The following PTPRT variants were observed in gnomAD, a reference collection of about 807,000 sequenced individuals.
The protein encoded by PTPRT is receptor-type tyrosine-protein phosphatase T.
PTPRT carries 56 observed loss-of-function variants against 176.8 expected under a neutral mutation model. That is an observed-to-expected ratio of 0.32 (90% CI 0.26 to 0.40). PTPRT has a LOEUF of 0.40. Among genes scored for constraint, PTPRT ranks in the 10% least tolerant of loss-of-function variants. The pLI, the probability that PTPRT is intolerant of heterozygous loss-of-function variation, is 1.00. For missense variants in PTPRT, 1,540 were observed against 1,908.2 expected (o/e 0.81, Z 3.60); for synonymous variants, 783 against 739.0 (o/e 1.06, Z -0.96).
chr20:42,317,211 AT>A (rs1370621927), intron 11 of PTPRT, among the ~76,000 whole-genome samples: 1 of 152,242 alleles, frequency 6.6e-6, no homozygotes, highest in African/African-American at 2.4e-5. Flanking sequence ...GTGATCTCAT[AT>A]TGTTCCCTTC....
chr20:43,180,253 A>G (rs1568829795), intron 1 of PTPRT, among the ~76,000 whole-genome samples: 1 of 151,556 alleles, frequency 6.6e-6, no homozygotes, highest in Non-Finnish European at 1.5e-5. Flanking sequence ...GACTTACATC[A>G]TCAACTTTCC....
intron 1 of PTPRT, among the ~76,000 whole-genome samples, chr20:42,936,134 G>A (rs978828553): frequency 5.3e-5 from 8 of 152,184 alleles, no homozygotes; most frequent in African/African-American, 1.9e-4. Context: ...GAGAAAGACC[G>A]TAAATGGGAT....
rs1568774351 is a variant in PTPRT, at chr20:43,083,366, AT to A, written c.88+106279del. ...TATATATATATATATATATATATAT[AT>A]ATACATTTTTTGAGACAGAGTCTCG... On this transcript the variant is annotated intron_variant, in intron 1 of 30. Transcript: ENST00000373187. Among the ~76,000 whole-genome samples, 206 of 115,898 alleles carry A rather than the reference AT, an allele frequency of 1.8e-3. 6 individuals carry two copies. Among genetic ancestry groups the A allele is most frequent in the East Asian group, 8.9e-3 (37 of 4,172 alleles). 76.0% of individuals were successfully genotyped at this position (115,898 alleles called of 152,430 possible). A position where few individuals can be genotyped will look rare whatever the true frequency, so the allele number is the denominator to read the frequency against.
chr20:42,288,014 T>C (rs1403839652), intron 12 of PTPRT, among the ~76,000 whole-genome samples: 1 of 152,030 alleles, frequency 6.6e-6, no homozygotes, highest in Non-Finnish European at 1.5e-5. Context: ...GTACATTTTT[T>C]TGTTACAACA....
chr20:42,533,091 C>A (rs891537108), intron 7 of PTPRT, among the ~76,000 whole-genome samples: 1 of 152,150 alleles, frequency 6.6e-6, no homozygotes, highest in Admixed American at 6.5e-5. Context: ...TGTAATCTTC[C>A]CTCCGCCAGG....
chr20:42,622,417 T>C (rs1429379342), intron 7 of PTPRT, among the ~76,000 whole-genome samples: 1 of 152,142 alleles, frequency 6.6e-6, no homozygotes, highest in Non-Finnish European at 1.5e-5. Flanking sequence ...ATTTTTTGTA[T>C]TTTTAGTAGA....
intron 11 of PTPRT, among the ~76,000 whole-genome samples, chr20:42,333,343 GT>G (rs2057993982): frequency 6.6e-6 from 1 of 152,030 alleles, no homozygotes; most frequent in Non-Finnish European, 1.5e-5. Flanking sequence ...TATAGGCTTA[GT>G]TTTTTTGAGA....
chr20:42,816,054 A>G (rs2077778742), intron 2 of PTPRT, among the ~76,000 whole-genome samples: 1 of 152,202 alleles, frequency 6.6e-6, no homozygotes, highest in Admixed American at 6.5e-5. Flanking sequence ...GCACACACAC[A>G]AAAGTCTTCT....
At chr20:43,039,963 C>T (rs1475171604) in intron 1 of PTPRT, among the ~76,000 whole-genome samples, 1 of 151,948 alleles carries the variant, frequency 6.6e-6, no homozygotes, top group Non-Finnish European at 1.5e-5. Flanking sequence ...ATTGTTTGAG[C>T]CTGGGAGGCA....
chr20:42,886,335 C>T (rs1021184208), intron 1 of PTPRT, among the ~76,000 whole-genome samples: 2 of 152,160 alleles, frequency 1.3e-5, no homozygotes, highest in Non-Finnish European at 2.9e-5. Flanking sequence ...CAAAACTAGA[C>T]AGCCATCACC....
intron 2 of PTPRT, among the ~76,000 whole-genome samples, chr20:42,876,633 G>A (rs1333695829): frequency 6.6e-6 from 1 of 152,164 alleles, no homozygotes; most frequent in African/African-American, 2.4e-5. Context: ...TGCCCCAGGT[G>A]CCACGAAAAT....
At chr20:42,906,306 C>A (rs887969691) in intron 1 of PTPRT, among the ~76,000 whole-genome samples, 2 of 152,120 alleles carry the variant, frequency 1.3e-5, no homozygotes, top group African/African-American at 4.8e-5. Flanking sequence ...AGAATTTGGC[C>A]GGGGCGGTCA....
intron 11 of PTPRT, among the ~76,000 whole-genome samples, chr20:42,340,724 G>A (rs528142247): frequency 2.1e-4 from 32 of 152,300 alleles, no homozygotes; most frequent in African/African-American, 5.3e-4. Flanking sequence ...TCTGACCTTT[G>A]GGCAGTTGCG....
At chr20:43,134,361 T>G (rs1161757501) in intron 1 of PTPRT, among the ~76,000 whole-genome samples, 1 of 152,164 alleles carries the variant, frequency 6.6e-6, no homozygotes, top group African/African-American at 2.4e-5. Flanking sequence ...CTAGGTCAGT[T>G]TAGCAAGAAC....
intron 7 of PTPRT, among the ~76,000 whole-genome samples, chr20:42,577,807 CAA>C (rs1413624016): frequency 1.3e-5 from 2 of 150,048 alleles, no homozygotes; most frequent in African/African-American, 4.9e-5. Context: ...TCTAACCAAA[CAA>C]GAGAAAAACC....
chr20:42,483,321 G>A (rs955947262), intron 7 of PTPRT, among the ~76,000 whole-genome samples: 2 of 152,006 alleles, frequency 1.3e-5, no homozygotes, highest in African/African-American at 2.4e-5. Context: ...ATGCCACCAC[G>A]CTCGACTAAT....
At position 43,036,535 on chromosome 20, in the gene PTPRT, G is replaced by A. The variant is rs1179546263; in HGVS notation, c.89-150603C>T. 4.6e-5 allele frequency among the ~76,000 whole-genome samples: 7 copies of A among 151,188 alleles called. No homozygotes were observed. The East Asian group carries it at 1.4e-3, about 29-fold the overall frequency. ...TAGGGTGGAGGCAGAAGAGAAGAAA[G>A]AAAGAGAAAATTTAATTTTGTGTTT... On this transcript the variant is annotated intron_variant, in intron 1 of 30. Transcript: ENST00000373187.
chr20:42,416,596 G>A lies in PTPRT; in HGVS notation c.1560+31624C>T, dbSNP rs2059068610. Among the ~76,000 whole-genome samples the A allele has an allele frequency of 3.9e-5, 6 of 152,108 alleles. No homozygotes were observed. The South Asian group carries it at 1.2e-3, about 32-fold the overall frequency. On this transcript the variant is annotated intron_variant, in intron 9 of 30. Transcript: ENST00000373187. ...AATAGAAGAAATTGTTTGCAACCTG[G>A]CCCTATGCATAATTCATGGCTGACT...
At chr20:42,043,343 A>G in the PTPRT span, among the ~76,000 whole-genome samples, 7 of 152,306 alleles carry the variant, frequency 4.6e-5, no homozygotes, top group African/African-American at 1.4e-4. Flanking sequence ...TCAAGTAAAC[A>G]ATGTTGGGTC....
Sources: gnomAD v4.1 joint callset for allele counts (sites outside exome capture counted in the v4.1 genomes callset) on GRCh38, gnomAD v4.1.1 for gene constraint, MANE v1.5 for transcripts, NCBI Gene and HGNC (gene_info 2026-07-23, HGNC 2026-07-21) for gene names.